GALNTL6: variants seen among roughly 807,000 people sequenced by gnomAD.
The protein encoded by GALNTL6 is polypeptide N-acetylgalactosaminyltransferase-like 6.
In GALNTL6, 46 loss-of-function variants were observed where a neutral mutation model predicts 73.7. That is an observed-to-expected ratio of 0.62 (90% CI 0.49 to 0.80). The LOEUF (loss-of-function observed/expected upper bound fraction) is 0.80, where lower values mean the gene tolerates loss of function less well. GALNTL6 is among the 30% of genes least tolerant of loss of function. The pLI is 0.00. For synonymous variants in GALNTL6, 259 were observed against 263.7 expected (o/e 0.98, Z 0.17); for missense variants, 604 against 755.0 (o/e 0.80, Z 2.34).
intron 8 of GALNTL6, among the ~76,000 whole-genome samples, chr4:172,902,372 C>T (rs2111242588): frequency 6.6e-6 from 1 of 152,176 alleles, no homozygotes; most frequent in Admixed American, 6.6e-5. Flanking sequence ...AATTAGGCAC[C>T]CACAAGAGAC....
At chr4:172,572,721 C>T (rs1033436634) in intron 5 of GALNTL6, among the ~76,000 whole-genome samples, 2 of 152,062 alleles carry the variant, frequency 1.3e-5, no homozygotes, top group African/African-American at 4.8e-5. Context: ...GTTGTTATTT[C>T]ATTTTTCCGA....
At chr4:172,665,647 A>G (rs1731618705) in intron 5 of GALNTL6, among the ~76,000 whole-genome samples, 1 of 152,226 alleles carries the variant, frequency 6.6e-6, no homozygotes, top group African/African-American at 2.4e-5. Context: ...TTCACATAAT[A>G]ATCATTATAT....
intron 2 of GALNTL6, among the ~76,000 whole-genome samples, chr4:171,870,046 T>C (rs1736092204): frequency 6.6e-6 from 1 of 152,244 alleles, no homozygotes. Context: ...ATTTGTTGAA[T>C]ACAGAAATAT....
chr4:172,302,065 A>T (rs1440320991), intron 3 of GALNTL6, among the ~76,000 whole-genome samples: 1 of 152,158 alleles, frequency 6.6e-6, no homozygotes, highest in Non-Finnish European at 1.5e-5. Flanking sequence ...AGGCTCAGCA[A>T]TGGCGGGCAC....
At chr4:172,659,099 C>G (rs1731235803) in intron 5 of GALNTL6, among the ~76,000 whole-genome samples, 1 of 152,164 alleles carries the variant, frequency 6.6e-6, no homozygotes, top group Non-Finnish European at 1.5e-5. Flanking sequence ...GAGGTAGATA[C>G]TATGATTTGT....
intron 5 of GALNTL6, among the ~76,000 whole-genome samples, chr4:172,617,894 T>C (rs1939223562): frequency 6.6e-6 from 1 of 152,158 alleles, no homozygotes; most frequent in South Asian, 2.1e-4. Context: ...TTGCTGCTAT[T>C]ATAATGTGAC....
At position 172,262,738 on chromosome 4, in the gene GALNTL6, G is replaced by T. The variant is rs538891372; in HGVS notation, c.247+32974G>T. On this transcript the variant is annotated intron_variant, in intron 3 of 12. Coordinates refer to ENST00000506823, the MANE Select transcript of GALNTL6 (RefSeq NM_001034845.3). ...CCTGTGAGATTTATGTTTTAAGGAGGTTCTATTTTGATCTATTTTGATGTT... is the reference window on the plus strand; with the variant it reads ...CCTGTGAGATTTATGTTTTAAGGAGTTTCTATTTTGATCTATTTTGATGTT... 8.6e-5 allele frequency among the ~76,000 whole-genome samples: 13 copies of T among 151,582 alleles called. No individual in the cohort carries two copies. In the South Asian group the frequency reaches 1.7e-3, roughly 19 times the overall value.
At chr4:172,360,493 C>G (rs1467176538) in intron 5 of GALNTL6, among the ~76,000 whole-genome samples, 1 of 152,134 alleles carries the variant, frequency 6.6e-6, no homozygotes, top group Non-Finnish European at 1.5e-5. Flanking sequence ...ATGCTGTAAA[C>G]TCTTCTAATT....
intron 2 of GALNTL6, among the ~76,000 whole-genome samples, chr4:171,953,442 T>A (rs952811030): frequency 6.6e-5 from 10 of 152,066 alleles, no homozygotes; most frequent in Non-Finnish European, 1.2e-4. Flanking sequence ...GTGTTGAAAA[T>A]TCATTGATCA....
At chr4:172,074,530 G>A (rs906985471) in intron 2 of GALNTL6, among the ~76,000 whole-genome samples, 7 of 149,954 alleles carry the variant, frequency 4.7e-5, no homozygotes, top group Admixed American at 1.4e-4. Context: ...ACTGTGCTCA[G>A]TCATATGCAT....
intron 8 of GALNTL6, among the ~76,000 whole-genome samples, chr4:172,921,251 A>C (rs1213835240): frequency 6.6e-6 from 1 of 152,188 alleles, no homozygotes; most frequent in African/African-American, 2.4e-5. Flanking sequence ...GAGAATTTGA[A>C]TTATTATTTC....
chr4:171,975,774 G>A (rs1739702396), intron 2 of GALNTL6, among the ~76,000 whole-genome samples: 1 of 152,098 alleles, frequency 6.6e-6, no homozygotes, highest in Non-Finnish European at 1.5e-5. Context: ...CTCAACAATT[G>A]ACTATAACTG....
intron 5 of GALNTL6, among the ~76,000 whole-genome samples, chr4:172,706,406 G>A (rs1734355346): frequency 6.6e-6 from 1 of 152,046 alleles, no homozygotes; most frequent in South Asian, 2.1e-4. Flanking sequence ...GCTGGTTTGA[G>A]TTATTGATCT....
At chr4:172,314,717 C>G (rs1257793175) in intron 4 of GALNTL6, among the ~76,000 whole-genome samples, 1 of 145,958 alleles carries the variant, frequency 6.9e-6, no homozygotes, top group Non-Finnish European at 1.5e-5. Flanking sequence ...AAGCGATTCT[C>G]CTGCCTCAGC....
At chr4:172,520,544 G>GT (rs891731245) in intron 5 of GALNTL6, among the ~76,000 whole-genome samples, 49 of 137,058 alleles carry the variant, frequency 3.6e-4, no homozygotes, top group East Asian at 6.4e-4. Flanking sequence ...CAGTCTTTTC[G>GT]TTTTTTTTTT....
At chr4:172,147,807 G>GT (rs1733966570) in intron 2 of GALNTL6, among the ~76,000 whole-genome samples, 1 of 152,084 alleles carries the variant, frequency 6.6e-6, no homozygotes, top group African/African-American at 2.4e-5. Context: ...TCTAAGAGCT[G>GT]TTTTTTGCAG....
chr4:172,236,609 C>T (rs561987583), intron 3 of GALNTL6, among the ~76,000 whole-genome samples: 1 of 151,206 alleles, frequency 6.6e-6, no homozygotes, highest in Admixed American at 6.6e-5. Flanking sequence ...CATTTCATTA[C>T]ATACTTTGTT....
chr4:171,995,619 G>A (rs1010455254), intron 2 of GALNTL6, among the ~76,000 whole-genome samples: 1 of 151,916 alleles, frequency 6.6e-6, no homozygotes, highest in East Asian at 1.9e-4. Context: ...ATTAGTATAA[G>A]AACAAATAAA....
intron 5 of GALNTL6, among the ~76,000 whole-genome samples, chr4:172,587,394 T>C (rs1244938347): frequency 6.6e-6 from 1 of 152,202 alleles, no homozygotes; most frequent in African/African-American, 2.4e-5. Flanking sequence ...ATCCTTGCTT[T>C]GCAGTGTTGC....
Sources: allele counts gnomAD v4.1 joint callset (sites outside exome capture counted in the v4.1 genomes callset), GRCh38; gene constraint gnomAD v4.1.1; transcripts MANE v1.5; gene names NCBI Gene and HGNC (gene_info 2026-07-23, HGNC 2026-07-21).